ELMO1: variants seen among roughly 807,000 people sequenced by gnomAD.
ELMO1 encodes the protein engulfment and cell motility protein 1.
A neutral mutation model predicts 98.9 loss-of-function variants in ELMO1; 26 were observed. The observed-to-expected ratio is 0.26, with a 90% CI of 0.19 to 0.36. ELMO1 has a LOEUF of 0.36. Among genes scored for constraint, ELMO1 ranks in the 10% least tolerant of loss-of-function variants. The probability of loss-of-function intolerance (pLI) is 1.00; values close to 1 mark genes in which losing one functional copy is unlikely to be tolerated. For missense variants in ELMO1, 627 were observed against 935.2 expected (o/e 0.67, Z 4.30); for synonymous variants, 346 against 346.0 (o/e 1.00, Z 0.00).
chr7:37,108,534 G>A (rs1043413236), intron 14 of ELMO1, among the ~76,000 whole-genome samples: 2 of 152,196 alleles, frequency 1.3e-5, no homozygotes, highest in East Asian at 1.9e-4. Context: ...GGGGCACACC[G>A]GGTACAGGCT....
chr7:37,386,468 C>T (rs1268223059), intron 1 of ELMO1, among the ~76,000 whole-genome samples: 2 of 151,950 alleles, frequency 1.3e-5, no homozygotes, highest in African/African-American at 2.4e-5. Context: ...CAGACCCTCA[C>T]GACAGCCTTC....
chr7:37,080,986 T>G (rs1797838741), intron 15 of ELMO1, among the ~76,000 whole-genome samples: 1 of 152,176 alleles, frequency 6.6e-6, no homozygotes, highest in African/African-American at 2.4e-5. Context: ...TCCTCCCTTT[T>G]CTGCTGCATT....
chr7:37,041,660 G>A (rs1003614204), intron 15 of ELMO1, among the ~76,000 whole-genome samples: 1 of 151,912 alleles, frequency 6.6e-6, no homozygotes, highest in Non-Finnish European at 1.5e-5. Flanking sequence ...TTAAATTGAA[G>A]TCACAGCCCC....
intron 15 of ELMO1, among the ~76,000 whole-genome samples, chr7:37,054,376 CAAG>C (rs1796283728): frequency 6.6e-6 from 1 of 152,014 alleles, no homozygotes; most frequent in Non-Finnish European, 1.5e-5. Flanking sequence ...AACAGCCTAC[CAAG>C]AAGATGCATA....
chr7:37,073,133 T>C (rs1797370931), intron 15 of ELMO1, among the ~76,000 whole-genome samples: 1 of 152,340 alleles, frequency 6.6e-6, no homozygotes, highest in African/African-American at 2.4e-5. Flanking sequence ...GTGGTAGATA[T>C]AGCCAGAGGT....
At chr7:37,316,446 A>G (rs534247161) in intron 2 of ELMO1, among the ~76,000 whole-genome samples, 2 of 152,368 alleles carry the variant, frequency 1.3e-5, no homozygotes, top group South Asian at 4.1e-4. Flanking sequence ...TACAAAGTAC[A>G]TAGAATTCTT....
At chr7:36,981,271 A>T (rs13237444) in intron 16 of ELMO1, among the ~76,000 whole-genome samples, 14,725 of 151,080 alleles carry the variant, frequency 0.097, 1,024 homozygotes, top group Non-Finnish European at 0.16. Flanking sequence ...TCATTAGGAG[A>T]CTAAGACTAG....
intron 2 of ELMO1, among the ~76,000 whole-genome samples, chr7:37,336,569 C>T (rs982044965): frequency 6.6e-6 from 1 of 152,032 alleles, no homozygotes; most frequent in African/African-American, 2.4e-5. Flanking sequence ...GAGGTTGGAA[C>T]TGATCTAGAA....
intron 15 of ELMO1, among the ~76,000 whole-genome samples, chr7:37,021,675 G>A (rs1794275679): frequency 6.6e-6 from 1 of 151,046 alleles, no homozygotes; most frequent in Non-Finnish European, 1.5e-5. Flanking sequence ...TAAAAAAAAA[G>A]AAAAGAAAAG....
At chr7:36,915,035 C>T (rs185434946) in intron 16 of ELMO1, among the ~76,000 whole-genome samples, 1 of 152,222 alleles carries the variant, frequency 6.6e-6, no homozygotes, top group East Asian at 1.9e-4. Context: ...CTGACTGCAG[C>T]CTTGAATTCC....
Position 37,448,707 on chromosome 7 carries a change from G to A in ELMO1, c.-106C>T, listed in dbSNP as rs905392298. The A allele has an allele frequency of 2.6e-5, 4 of 152,248 alleles. No homozygotes were observed. Among genetic ancestry groups the A allele is most frequent in the African/African-American group, 9.7e-5 (4 of 41,446 alleles). 9.4% of individuals were successfully genotyped at this position (152,248 alleles called of 1,614,324 possible). ...GGGTCGCAGGACAGCAGCGGCAAGG[G>A]TTCCCGGCGATCAGAGCTCCGGCGA... On this transcript the variant is annotated 5_prime_UTR_variant, in exon 1 of 22. Coordinates refer to ENST00000310758, the MANE Select transcript of ELMO1 (RefSeq NM_014800.11).
chr7:37,422,805 A>G (rs1179871078), intron 1 of ELMO1, among the ~76,000 whole-genome samples: 2 of 152,240 alleles, frequency 1.3e-5, no homozygotes, highest in Non-Finnish European at 2.9e-5. Context: ...TGATGTCTGA[A>G]GATACCTCCA....
intron 5 of ELMO1, among the ~76,000 whole-genome samples, chr7:37,267,027 ATATGTATAT>A (rs1485047020): frequency 2.2e-5 from 2 of 92,698 alleles, no homozygotes; most frequent in African/African-American, 9.3e-5. Flanking sequence ...AAAAAAAAAA[ATATGTATAT>A]ATACACACAC....
At chr7:37,317,734 T>C (rs561089612) in intron 2 of ELMO1, among the ~76,000 whole-genome samples, 1 of 151,792 alleles carries the variant, frequency 6.6e-6, no homozygotes, top group Non-Finnish European at 1.5e-5. Context: ...CAAAAAAAAA[T>C]AAAGAATGAT....
At chr7:37,088,281 C>T (rs1184024537) in intron 15 of ELMO1, among the ~76,000 whole-genome samples, 1 of 152,190 alleles carries the variant, frequency 6.6e-6, no homozygotes, top group Non-Finnish European at 1.5e-5. Flanking sequence ...TCTGTAACCA[C>T]TTCCTATGGG....
At chr7:37,111,497 T>G (rs576163700) in intron 14 of ELMO1, among the ~76,000 whole-genome samples, 4 of 152,220 alleles carry the variant, frequency 2.6e-5, no homozygotes, top group African/African-American at 9.6e-5. Context: ...GCTGCAATAC[T>G]AATCAGATTT....
chr7:37,089,160 A>G (rs1046895081), intron 15 of ELMO1, among the ~76,000 whole-genome samples: 2 of 152,164 alleles, frequency 1.3e-5, no homozygotes, highest in African/African-American at 2.4e-5. Context: ...TTGCTGCTGC[A>G]CTCCAAACAG....
In ELMO1 at chr7:36,974,561, G is replaced by C. The variant is rs540130793; in HGVS notation, c.1437+38738C>G. Among the ~76,000 whole-genome samples, 3 of 152,218 alleles carry C rather than the reference G, an allele frequency of 2.0e-5. No individual in the cohort carries two copies. In the East Asian group the frequency reaches 5.8e-4, roughly 29 times the overall value. Reference sequence around the variant, plus strand: ...TCTGGTGGGGAGGTGGAGGACCTTTGTATCTAGCTCAGGGATTGTAAACGC... The same window carrying C: ...TCTGGTGGGGAGGTGGAGGACCTTTCTATCTAGCTCAGGGATTGTAAACGC... On this transcript the variant is annotated intron_variant, in intron 16 of 21. Coordinates refer to ENST00000310758, the MANE Select transcript of ELMO1 (RefSeq NM_014800.11).
At chr7:37,104,801 C>T (rs1026156623) in intron 14 of ELMO1, among the ~76,000 whole-genome samples, 2 of 151,550 alleles carry the variant, frequency 1.3e-5, no homozygotes, top group Non-Finnish European at 2.9e-5. Flanking sequence ...ACAATGCATC[C>T]CAGGAAAAGG....
Sources: allele counts gnomAD v4.1 joint callset (sites outside exome capture counted in the v4.1 genomes callset), GRCh38; gene constraint gnomAD v4.1.1; transcripts MANE v1.5; gene names NCBI Gene and HGNC (gene_info 2026-07-23, HGNC 2026-07-21).